The following DNALI1 variants were observed in gnomAD, a reference collection of about 807,000 sequenced individuals.
DNALI1 encodes axonemal dynein light intermediate polypeptide 1.
A neutral mutation model predicts 33.9 loss-of-function variants in DNALI1; 31 were observed. The ratio of observed to expected loss-of-function variants is 0.91; its 90% confidence interval spans 0.69 to 1.23. DNALI1 has a LOEUF of 1.23. DNALI1 is among the 50% of genes most tolerant of loss of function. DNALI1 has a pLI of 0.00. For synonymous variants in DNALI1, 117 were observed against 129.2 expected, an observed-to-expected ratio of 0.91 and a Z score of 0.64; for missense variants, 305 against 323.8, an observed-to-expected ratio of 0.94 and a Z score of 0.44.
At position 37,559,622 on chromosome 1, in the gene DNALI1, C is replaced by T; in HGVS notation, c.397+126C>T. 3.4e-6 allele frequency: 4 copies of T among 1,183,324 alleles called. No homozygotes were observed. In the East Asian group the frequency reaches 9.3e-5, roughly 28 times the overall value. The allele number at this position is 1,183,324 out of a possible 1,614,324, so 73.3% of individuals were successfully genotyped here. On this transcript the variant is annotated intron_variant, in intron 3 of 5. Coordinates refer to ENST00000652629, the MANE Select transcript of DNALI1 (RefSeq NM_003462.5). The surrounding 1 kb of genome is among the most constrained non-coding windows in gnomAD (Gnocchi z 5.3). ...ATCTCATGCTGGAATCCCCTCTTCTCCCCCTGCCTGACCCACCCAGCAACA... is the reference window on the plus strand; with the variant it reads ...ATCTCATGCTGGAATCCCCTCTTCTTCCCCTGCCTGACCCACCCAGCAACA...
intron 5 of DNALI1, among the ~76,000 whole-genome samples, chr1:37,564,236 A>AC (rs1643472663): frequency 1.4e-5 from 1 of 69,876 alleles, no homozygotes; most frequent in Admixed American, 1.5e-4. Flanking sequence ...TCCATTCCCC[A>AC]CCCCCACCCC....
Position 37,561,684 on chromosome 1 carries a change from C to A in DNALI1, c.525C>A (p.Gly175=), listed in dbSNP as rs565918744. ...TGTACGAGAGCAGCGTGGCGTTTGG[C>A]ATGAGGAAGGCACTGCAGGCTGAGC... The part of the protein sequence containing the change: ...QTLYESSVAF[G]MRKALQAEQG... The change falls in exon 4 of 6, where the codon GGC becomes GGA. Residue 175 remains glycine, a synonymous_variant. Transcript: ENST00000652629. This position sits in a 1 kb window ranked among gnomAD's most constrained non-coding sequence, Gnocchi z 4.6. 5.7e-5 allele frequency: 92 copies of A among 1,614,082 alleles called. 2 individuals are homozygous for A. The South Asian group carries it at 9.7e-4, about 17-fold the overall frequency.
At position 37,557,074 on chromosome 1, in the gene DNALI1, A is replaced by G. The variant is rs750971558; in HGVS notation, c.80A>G (p.Lys27Arg). 8.1e-6 allele frequency: 13 copies of G among 1,614,106 alleles called. No homozygotes were observed. In the East Asian group the frequency reaches 1.6e-4, roughly 19 times the overall value. Reference sequence around the variant, plus strand: ...CGGAACACGGAGAAACGGAGCCCCAAGGTAAAGACGGGGGCTCGGGAGACA... The same window carrying G: ...CGGAACACGGAGAAACGGAGCCCCAGGGTAAAGACGGGGGCTCGGGAGACA... Reference protein sequence around the residue: ...VSRNTEKRSPKARLLKVSPQQ... With the variant: ...VSRNTEKRSPRARLLKVSPQQ... Residue 27 changes from lysine (K) to arginine (R), a missense_variant and splice_region_variant, in exon 1 of 6, where the codon AAG becomes AGG. Lys to Arg is a conservative substitution (Grantham distance 26). Transcript: ENST00000652629.
intron 1 of DNALI1, 59 bp from the exon 2 acceptor site, chr1:37,557,544 G>C: frequency 6.4e-7 from 1 of 1,571,996 alleles, no homozygotes; most frequent in East Asian, 2.3e-5. Context: ...TACAGGTTGG[G>C]GATGTGTGGA....
Position 37,559,720 on chromosome 1 carries a change from C to G in DNALI1, c.397+224C>G, listed in dbSNP as rs1298896110. Among the ~76,000 whole-genome samples the G allele has an allele frequency of 6.6e-6, 1 of 152,168 alleles. No individual in the cohort carries two copies. The highest frequency in any genetic ancestry group is 1.9e-4 in the East Asian group (1 of 5,184). On this transcript the variant is annotated intron_variant, in intron 3 of 5. Transcript: ENST00000652629. The surrounding 1 kb of genome is among the most constrained non-coding windows in gnomAD (Gnocchi z 5.3). Reference sequence around the variant, plus strand: ...ACACCTGTGGGTATTTCTCCTCAGGCAGGAGGAGAGACTAAGAAAAGAAAT... The same window carrying G: ...ACACCTGTGGGTATTTCTCCTCAGGGAGGAGGAGAGACTAAGAAAAGAAAT...
rs538216765 is a variant in DNALI1 at position 37,561,053 on chromosome 1, T to G, written c.398-504T>G. On this transcript the variant is annotated intron_variant, in intron 3 of 5. Coordinates refer to ENST00000652629, the MANE Select transcript of DNALI1 (RefSeq NM_003462.5). The surrounding 1 kb of genome is among the most constrained non-coding windows in gnomAD (Gnocchi z 4.6). ...CAGGCAGCTGCAGGGTCTAGCAGGC[T>G]TCCCTATCCGTGTGTTATTATGGTT... 1.3e-5 allele frequency: 2 copies of G among 155,718 alleles called. No homozygotes were observed. The highest frequency in any genetic ancestry group is 3.9e-4 in the South Asian group (2 of 5,142). The allele number at this position is 155,718 out of a possible 1,614,324, so 9.6% of individuals were successfully genotyped here. A position where few individuals can be genotyped will look rare whatever the true frequency, so the allele number is the denominator to read the frequency against.
At position 37,561,904 on chromosome 1, in the gene DNALI1, A is replaced by T; in HGVS notation, c.576+169A>T. The T allele has an allele frequency of 7.4e-7, 1 of 1,349,376 alleles. No homozygotes were observed. Among genetic ancestry groups the T allele is most frequent in the East Asian group, 2.5e-5 (1 of 40,754 alleles). The allele number at this position is 1,349,376 out of a possible 1,614,324, so 83.6% of individuals were successfully genotyped here. On this transcript the variant is annotated intron_variant, in intron 4 of 5. Coordinates refer to ENST00000652629, the MANE Select transcript of DNALI1 (RefSeq NM_003462.5). This position sits in a 1 kb window ranked among gnomAD's most constrained non-coding sequence, Gnocchi z 4.6. Reference sequence around the variant, plus strand: ...GGACCCCTGGTTGAGTATGATGGCCAGCCTGGTGGTCTTGGCAGAGTTGTT... The same window carrying T: ...GGACCCCTGGTTGAGTATGATGGCCTGCCTGGTGGTCTTGGCAGAGTTGTT...
At position 37,565,123 on chromosome 1, in the gene DNALI1, C is replaced by T. The variant is rs955277113; in HGVS notation, c.*62C>T. 5 of 1,583,206 alleles carry T rather than the reference C, an allele frequency of 3.2e-6. No individual in the cohort carries two copies. The African/African-American group carries it at 4.0e-5, about 13-fold the overall frequency. On this transcript the variant is annotated 3_prime_UTR_variant, in exon 6 of 6. Transcript: ENST00000652629. Reference sequence around the variant, plus strand: ...GGAGTTATTTACTGTGTTCCTCTGGCAGCCAATAAAATCATCATAAGCCCT... The same window carrying T: ...GGAGTTATTTACTGTGTTCCTCTGGTAGCCAATAAAATCATCATAAGCCCT...
chr1:37,560,401 A>G (rs1055669010), intron 3 of DNALI1: 4 of 152,218 alleles, frequency 2.6e-5, no homozygotes, highest in Non-Finnish European at 4.4e-5. Flanking sequence ...GTTTATCGAG[A>G]ATGGAGAATG....
chr1:37,561,771 C>T lies in DNALI1; in HGVS notation c.576+36C>T. 6.3e-7 allele frequency: 1 copy of T among 1,596,766 alleles called. No homozygotes were observed. Among genetic ancestry groups the T allele is most frequent in the South Asian group, 1.1e-5 (1 of 89,466 alleles). ...TTTACCGTGACCCTTGGTCCCATCTCTTCTGTAAACCTCAGGGCCACATGC... is the reference window on the plus strand; with the variant it reads ...TTTACCGTGACCCTTGGTCCCATCTTTTCTGTAAACCTCAGGGCCACATGC... On this transcript the variant is annotated intron_variant, in intron 4 of 5. Transcript: ENST00000652629. This position sits in a 1 kb window ranked among gnomAD's most constrained non-coding sequence, Gnocchi z 4.6.
In DNALI1 at chr1:37,566,582, C is replaced by T; in HGVS notation, c.*1521C>T. On this transcript the variant is annotated 3_prime_UTR_variant, in exon 6 of 6. Coordinates refer to ENST00000652629, the MANE Select transcript of DNALI1 (RefSeq NM_003462.5). ...ATACCACCCTTTCCATTTTATAGAC[C>T]TCATCCCCTATTTCTGTCAGACAGT... is the stretch of plus-strand genomic sequence containing the variant. The T allele has an allele frequency of 2.5e-6, 1 of 397,040 alleles. No homozygotes were observed. Among genetic ancestry groups the T allele is most frequent in the Non-Finnish European group, 4.5e-6 (1 of 224,344 alleles). The allele number at this position is 397,040 out of a possible 1,614,324, so 24.6% of individuals were successfully genotyped here.
At position 37,562,339 on chromosome 1, in the gene DNALI1, T is replaced by A; in HGVS notation, c.741+94T>A. The A allele has an allele frequency of 2.7e-6, 4 of 1,477,242 alleles. No individual in the cohort carries two copies. The highest frequency in any genetic ancestry group is 3.6e-6 in the Non-Finnish European group (4 of 1,102,496). The allele number at this position is 1,477,242 out of a possible 1,614,324, so 91.5% of individuals were successfully genotyped here. On this transcript the variant is annotated intron_variant, in intron 5 of 5. Coordinates refer to ENST00000652629, the MANE Select transcript of DNALI1 (RefSeq NM_003462.5). The surrounding 1 kb of genome is among the most constrained non-coding windows in gnomAD (Gnocchi z 5.8). ...CGGTTCCTTTTCCATGGCTTTTAAA[T>A]GTTTGTCCACATGCACTGCCAAAGG...
At chr1:37,564,713 T>C (rs537081729) in intron 5 of DNALI1, among the ~76,000 whole-genome samples, 12 of 152,154 alleles carry the variant, frequency 7.9e-5, no homozygotes, top group Non-Finnish European at 1.6e-4. Context: ...GCAGACATAT[T>C]CTGGCCTGAA....
chr1:37,557,116 C>G (rs1186489229), intron 1 of DNALI1, 41 bp downstream of exon 1: 1 of 1,613,540 alleles, frequency 6.2e-7, no homozygotes, highest in Admixed American at 1.7e-5. Context: ...CCTCGAAACT[C>G]CGATAGGGAA....
chr1:37,565,705 T>C lies in DNALI1; in HGVS notation c.*644T>C, dbSNP rs1643492047. ...TGCCAGAAAGGAATACTAGTCACAG[T>C]GGCCTTTGTGAGTTGTCTGCAACTC... On this transcript the variant is annotated 3_prime_UTR_variant, in exon 6 of 6. Coordinates refer to ENST00000652629, the MANE Select transcript of DNALI1 (RefSeq NM_003462.5). 2.6e-5 allele frequency: 4 copies of C among 152,662 alleles called. No individual in the cohort carries two copies. Among genetic ancestry groups the C allele is most frequent in the African/African-American group, 9.7e-5 (4 of 41,342 alleles). The allele number at this position is 152,662 out of a possible 1,614,324, so 9.5% of individuals were successfully genotyped here.
chr1:37,561,183 G>A lies in DNALI1; in HGVS notation c.398-374G>A, dbSNP rs1643434214. The A allele has an allele frequency of 4.8e-6, 1 of 209,508 alleles. No homozygotes were observed. Among genetic ancestry groups the A allele is most frequent in the South Asian group, 9.3e-5 (1 of 10,742 alleles). The allele number at this position is 209,508 out of a possible 1,614,324, so 13.0% of individuals were successfully genotyped here. A position where few individuals can be genotyped will look rare whatever the true frequency, so the allele number is the denominator to read the frequency against. ...AGGGGGCACACAGGATGTCCCAGCT[G>A]CTTTAAAACAGCTGCCATCTTTAAA... On this transcript the variant is annotated intron_variant, in intron 3 of 5. Transcript: ENST00000652629. The surrounding 1 kb of genome is among the most constrained non-coding windows in gnomAD (Gnocchi z 4.6).
At chr1:37,557,833 C>G in intron 2 of DNALI1, 85 bp downstream of exon 2, 7 of 1,568,696 alleles carry the variant, frequency 4.5e-6, no homozygotes, top group Non-Finnish European at 5.2e-6. Flanking sequence ...CACTCTGCCT[C>G]TGTTCCTGGC....
rs989645037 is a variant in DNALI1, at chr1:37,562,607, A to G, written c.741+362A>G. On this transcript the variant is annotated intron_variant, in intron 5 of 5. Coordinates refer to ENST00000652629, the MANE Select transcript of DNALI1 (RefSeq NM_003462.5). This position sits in a 1 kb window ranked among gnomAD's most constrained non-coding sequence, Gnocchi z 5.8. ...CTGGGCTCCAGGTGGCTTGCGTGGT[A>G]GTGCCATCCCATGGCTGTCTCCTCT... 6.6e-6 allele frequency among the ~76,000 whole-genome samples: 1 copy of G among 152,014 alleles called. No individual in the cohort carries two copies. The highest frequency in any genetic ancestry group is 2.4e-5 in the African/African-American group (1 of 41,382).
chr1:37,559,328 G>T lies in DNALI1; in HGVS notation c.229G>T (p.Glu77Ter). ...EILNAILPPREWVEDTQLWIQ... is the reference protein window; with the variant it reads ...EILNAILPPR ...TCAGCCTCGCTGTGTCTGCCACAGG[G>T]AGTGGGTGGAAGACACGCAGCTATG... Residue 77 changes from glutamate to a stop codon, truncating the protein, a stop_gained and splice_region_variant, in exon 3 of 6, where the codon GAG becomes TAG. Coordinates refer to ENST00000652629, the MANE Select transcript of DNALI1 (RefSeq NM_003462.5). LOFTEE classifies it high-confidence loss of function. This position sits in a 1 kb window ranked among gnomAD's most constrained non-coding sequence, Gnocchi z 5.3. 1 of 1,599,366 alleles carries T rather than the reference G, an allele frequency of 6.3e-7. No homozygotes were observed. The highest frequency in any genetic ancestry group is 8.5e-7 in the Non-Finnish European group (1 of 1,172,944).
Sources: gnomAD v4.1 joint callset for allele counts (sites outside exome capture counted in the v4.1 genomes callset) on GRCh38, gnomAD v4.1.1 for gene constraint, Gnocchi (gnomAD v3.1) non-coding constraint, MANE v1.5 for transcripts, NCBI Gene and HGNC (gene_info 2026-07-23, HGNC 2026-07-21) for gene names.